Variants in NEGR1 observed in about 807,000 individuals in gnomAD.
NEGR1 encodes the protein IgLON family member 4.
Under a neutral mutation model 40.9 loss-of-function variants are expected in NEGR1, and 10 were observed. That is an observed-to-expected ratio of 0.24 (90% CI 0.15 to 0.42). NEGR1 has a LOEUF of 0.42. Ranked by LOEUF, NEGR1 falls within the 10% of genes least tolerant of loss-of-function variation. NEGR1 has a pLI of 1.00. For synonymous variants in NEGR1, 185 were observed against 166.8 expected, an observed-to-expected ratio of 1.11 and a Z score of -0.84; for missense variants, 352 against 438.9, an observed-to-expected ratio of 0.80 and a Z score of 1.77.
chr1:72,273,732 T>C (rs192010445), intron 1 of NEGR1, among the ~76,000 whole-genome samples: 209 of 152,036 alleles, frequency 1.4e-3, no homozygotes, highest in Middle Eastern at 0.014. Flanking sequence ...GTAGACTGTG[T>C]CCTGTAATTT....
At chr1:71,941,726 C>T (rs7544722) in intron 1 of NEGR1, among the ~76,000 whole-genome samples, 80,025 of 151,798 alleles carry the variant, frequency 0.53, 22,085 homozygotes, top group East Asian at 0.67. Flanking sequence ...AGTTCAATAC[C>T]GTTCAGTATA....
intron 6 of NEGR1, chr1:71,407,991 A>G (rs1646289105): frequency 6.5e-6 from 1 of 153,290 alleles, no homozygotes; most frequent in Admixed American, 6.5e-5. Flanking sequence ...ATACTGTACT[A>G]AATGCTAGGA....
intron 1 of NEGR1, among the ~76,000 whole-genome samples, chr1:72,195,768 A>G (rs1348779911): frequency 4.6e-5 from 7 of 151,988 alleles, no homozygotes; most frequent in Admixed American, 4.6e-4. Flanking sequence ...TACCTTTTAT[A>G]TACACCTTGT....
At chr1:72,104,186 T>A (rs1176488091) in intron 1 of NEGR1, among the ~76,000 whole-genome samples, 1 of 152,098 alleles carries the variant, frequency 6.6e-6, no homozygotes. Flanking sequence ...GATGTCTATG[T>A]CCTAATCCCT....
At chr1:71,461,537 A>G (rs1426202837) in intron 6 of NEGR1, 1 of 152,218 alleles carries the variant, frequency 6.6e-6, no homozygotes, top group Non-Finnish European at 1.5e-5. Context: ...TTACTCTAAT[A>G]AGTTCTCTTG....
chr1:71,988,541 G>C (rs1001479697), intron 1 of NEGR1, among the ~76,000 whole-genome samples: 1 of 59,452 alleles, frequency 1.7e-5, no homozygotes, highest in Non-Finnish European at 2.8e-5. Context: ...GCGAGACTCC[G>C]TCTCAAAAAA....
chr1:71,495,083 A>G (rs1001783952), intron 6 of NEGR1, among the ~76,000 whole-genome samples: 3 of 152,204 alleles, frequency 2.0e-5, no homozygotes, highest in Non-Finnish European at 4.4e-5. Flanking sequence ...ACAGTATCTA[A>G]CACACATAAA....
intron 3 of NEGR1, among the ~76,000 whole-genome samples, chr1:71,753,116 C>T (rs1655623614): frequency 1.3e-5 from 2 of 152,040 alleles, no homozygotes; most frequent in African/African-American, 4.8e-5. Context: ...CAGGTTCTTT[C>T]ACTCAAAAAT....
In NEGR1 at chr1:71,427,171, G is replaced by A. The variant is rs148780118; in HGVS notation, c.941-19601C>T. ...CATATATGTAGCTGGATATTTCTCC[G>A]AGCCAAAATTTAGAAACTTTCTTCT... On this transcript the variant is annotated intron_variant, in intron 6 of 6. Transcript: ENST00000357731. 2.6e-3 allele frequency among the ~76,000 whole-genome samples: 400 copies of A among 152,246 alleles called. 1 individual carries two copies. Among genetic ancestry groups the A allele is most frequent in the African/African-American group, 9.2e-3 (383 of 41,542 alleles).
intron 1 of NEGR1, among the ~76,000 whole-genome samples, chr1:71,946,811 G>A (rs1179697313): frequency 6.6e-6 from 1 of 151,762 alleles, no homozygotes; most frequent in Non-Finnish European, 1.5e-5. Context: ...ATTTATATAT[G>A]TATCCCACAT....
At chr1:71,696,213 G>A (rs1324339227) in intron 4 of NEGR1, among the ~76,000 whole-genome samples, 1 of 151,666 alleles carries the variant, frequency 6.6e-6, no homozygotes, top group East Asian at 1.9e-4. Flanking sequence ...GCCTCCTTAA[G>A]TTGACTTTCT....
At chr1:71,876,341 T>A (rs960368447) in intron 2 of NEGR1, among the ~76,000 whole-genome samples, 5 of 151,930 alleles carry the variant, frequency 3.3e-5, no homozygotes, top group Non-Finnish European at 7.4e-5. Flanking sequence ...CAAAACACTG[T>A]CTCCACTACA....
intron 6 of NEGR1, among the ~76,000 whole-genome samples, chr1:71,590,026 G>T (rs1033899719): frequency 6.6e-6 from 1 of 152,020 alleles, no homozygotes; most frequent in African/African-American, 2.4e-5. Flanking sequence ...ATACTGCCAT[G>T]TCTTTACATG....
At chr1:71,590,415 G>A (rs1020459722) in intron 6 of NEGR1, among the ~76,000 whole-genome samples, 9 of 151,990 alleles carry the variant, frequency 5.9e-5, no homozygotes, top group South Asian at 2.1e-4. Context: ...TTGCATTATC[G>A]TTGCTTGCTT....
intron 3 of NEGR1, among the ~76,000 whole-genome samples, chr1:71,699,429 C>A (rs1253672670): frequency 2.6e-5 from 4 of 151,696 alleles, no homozygotes; most frequent in Non-Finnish European, 5.9e-5. Flanking sequence ...TCTATCTAAT[C>A]CTTGTACAGA....
chr1:72,269,099 T>C (rs1051028611), intron 1 of NEGR1, among the ~76,000 whole-genome samples: 2 of 151,656 alleles, frequency 1.3e-5, no homozygotes, highest in Non-Finnish European at 3.0e-5. Flanking sequence ...AATTAGGCTA[T>C]AAACTATATA....
chr1:71,438,664 T>C (rs1646526504), intron 6 of NEGR1, among the ~76,000 whole-genome samples: 1 of 152,210 alleles, frequency 6.6e-6, no homozygotes, highest in Admixed American at 6.5e-5. Context: ...CTAACCTTAG[T>C]TATGCTGTGA....
At chr1:72,255,502 A>T (rs1237692561) in intron 1 of NEGR1, among the ~76,000 whole-genome samples, 1 of 149,736 alleles carries the variant, frequency 6.7e-6, no homozygotes, top group Non-Finnish European at 1.5e-5. Context: ...GGTACTTAAG[A>T]TTTACTTATT....
intron 3 of NEGR1, among the ~76,000 whole-genome samples, chr1:71,750,063 G>T (rs1336326671): frequency 6.7e-6 from 1 of 148,432 alleles, no homozygotes; most frequent in South Asian, 2.1e-4. Context: ...GCGCAATCTC[G>T]GCTCACTGCA....
Sources: gnomAD v4.1 joint callset for allele counts (sites outside exome capture counted in the v4.1 genomes callset) on GRCh38, gnomAD v4.1.1 for gene constraint, MANE v1.5 for transcripts, NCBI Gene and HGNC (gene_info 2026-07-23, HGNC 2026-07-21) for gene names.